BRINP2: variants seen among roughly 807,000 people sequenced by gnomAD.
BRINP2 encodes BMP/retinoic acid inducible neural specific 2.
Under a neutral mutation model 69.2 loss-of-function variants are expected in BRINP2, and 21 were observed. The observed-to-expected ratio is 0.30, with a 90% confidence interval of 0.22 to 0.44. BRINP2 has a LOEUF of 0.44. Among genes scored for constraint, BRINP2 ranks in the 20% least tolerant of loss-of-function variants. BRINP2 has a pLI of 1.00. For missense variants in BRINP2, 877 were observed against 986.0 expected, an observed-to-expected ratio of 0.89 and a Z score of 1.48; for synonymous variants, 380 against 394.1, an observed-to-expected ratio of 0.96 and a Z score of 0.42.
At position 177,170,992 on chromosome 1, in the gene BRINP2, C is replaced by G. The variant is rs1353555196; in HGVS notation, c.-817C>G. ...GGTGACACTGCTTAGGTACGGAGCG[C>G]GGAGTCGGAGCGGGGACGCGCCGGG... On this transcript the variant is annotated 5_prime_UTR_variant, in exon 1 of 8. Transcript: ENST00000361539. 1.3e-5 allele frequency among the ~76,000 whole-genome samples: 2 copies of G among 152,244 alleles called. No homozygotes were observed. The highest frequency in any genetic ancestry group is 2.9e-5 in the Non-Finnish European group (2 of 68,036).
At chr1:177,255,549 G>T (rs921755003) in intron 2 of BRINP2, among the ~76,000 whole-genome samples, 1 of 152,152 alleles carries the variant, frequency 6.6e-6, no homozygotes, top group Non-Finnish European at 1.5e-5. Context: ...ACTCATTCAC[G>T]GTAAGACAAC....
intron 4 of BRINP2, among the ~76,000 whole-genome samples, chr1:177,268,228 T>G (rs1651189146): frequency 6.6e-6 from 1 of 152,204 alleles, no homozygotes; most frequent in Non-Finnish European, 1.5e-5. Flanking sequence ...ATTACTTTGC[T>G]CTCACACATT....
chr1:177,240,913 G>A (rs1650177772), intron 2 of BRINP2, among the ~76,000 whole-genome samples: 1 of 152,090 alleles, frequency 6.6e-6, no homozygotes, highest in Non-Finnish European at 1.5e-5. Context: ...AGACAGTCAA[G>A]AAGGTGGTCA....
chr1:177,268,530 G>A (rs142713612), intron 4 of BRINP2, among the ~76,000 whole-genome samples: 2 of 152,168 alleles, frequency 1.3e-5, no homozygotes, highest in Admixed American at 6.6e-5. Flanking sequence ...CAACTTCTTT[G>A]CACTAACATG....
chr1:177,175,286 G>A (rs1571879450), intron 1 of BRINP2, among the ~76,000 whole-genome samples: 1 of 141,152 alleles, frequency 7.1e-6, no homozygotes. Flanking sequence ...ATGGAAAAGC[G>A]GGGTGGGGGG....
At chr1:177,262,468 C>T (rs1028334556) in intron 4 of BRINP2, among the ~76,000 whole-genome samples, 2 of 150,890 alleles carry the variant, frequency 1.3e-5, no homozygotes, top group Non-Finnish European at 2.9e-5. Flanking sequence ...GCTGAGATTG[C>T]GCCACTGCAC....
chr1:177,275,017 A>T, intron 5 of BRINP2: 1 of 425,868 alleles, frequency 2.3e-6, no homozygotes, highest in Non-Finnish European at 4.8e-6. Flanking sequence ...GAGCTGGCAG[A>T]CGTTTGAGGA....
chr1:177,271,911 G>C (rs1651340986), intron 4 of BRINP2, among the ~76,000 whole-genome samples: 1 of 152,112 alleles, frequency 6.6e-6, no homozygotes, highest in South Asian at 2.1e-4. Context: ...TCTCCCGACT[G>C]TTTTTGCTCA....
intron 1 of BRINP2, among the ~76,000 whole-genome samples, chr1:177,196,647 C>CA (rs1648757361): frequency 1.3e-5 from 2 of 151,780 alleles, no homozygotes; most frequent in Non-Finnish European, 2.9e-5. Flanking sequence ...AAAAGAAATG[C>CA]AAATTCTTAG....
intron 2 of BRINP2, among the ~76,000 whole-genome samples, chr1:177,240,499 C>T (rs1004286141): frequency 6.6e-6 from 1 of 152,030 alleles, no homozygotes; most frequent in South Asian, 2.1e-4. Context: ...AATGAACCAT[C>T]CCTAAATTAA....
At chr1:177,223,097 G>A (rs557633342) in intron 1 of BRINP2, among the ~76,000 whole-genome samples, 2 of 152,266 alleles carry the variant, frequency 1.3e-5, no homozygotes, top group East Asian at 3.9e-4. Context: ...TCCCTGGTCT[G>A]CACATTCGGC....
At chr1:177,186,161 T>C (rs1648418331) in intron 1 of BRINP2, among the ~76,000 whole-genome samples, 1 of 152,108 alleles carries the variant, frequency 6.6e-6, no homozygotes, top group Non-Finnish European at 1.5e-5. Context: ...TGGAATACAG[T>C]AGGCTGGCCC....
At chr1:177,240,975 ATTT>A (rs111255733) in intron 2 of BRINP2, among the ~76,000 whole-genome samples, 1 of 144,850 alleles carries the variant, frequency 6.9e-6, no homozygotes, top group Admixed American at 6.9e-5. Flanking sequence ...TGGAGCCAAT[ATTT>A]TTTTTTTTTT....
At chr1:177,276,522 G>A (rs1264708286) in intron 6 of BRINP2, 88 bp downstream of exon 6, 1 of 1,208,154 alleles carries the variant, frequency 8.3e-7, no homozygotes, top group Non-Finnish European at 1.2e-6. Flanking sequence ...TGAGAGTTGA[G>A]GATCCTCATG....
chr1:177,212,024 C>A (rs1649235267), intron 1 of BRINP2, among the ~76,000 whole-genome samples: 2 of 151,886 alleles, frequency 1.3e-5, no homozygotes, highest in African/African-American at 2.4e-5. Flanking sequence ...ATCAATCTAC[C>A]TACCTACCTA....
intron 1 of BRINP2, among the ~76,000 whole-genome samples, chr1:177,214,880 T>G (rs1649331755): frequency 6.6e-6 from 1 of 152,234 alleles, no homozygotes; most frequent in South Asian, 2.1e-4. Flanking sequence ...AACCTGTCCA[T>G]AACCTCAAAT....
At chr1:177,175,662 A>C (rs1039998388) in intron 1 of BRINP2, among the ~76,000 whole-genome samples, 1 of 152,126 alleles carries the variant, frequency 6.6e-6, no homozygotes, top group African/African-American at 2.4e-5. Context: ...TCACTCCATA[A>C]TTGCTTCCAG....
At chr1:177,258,512 G>T (rs1650842142) in intron 4 of BRINP2, among the ~76,000 whole-genome samples, 1 of 152,142 alleles carries the variant, frequency 6.6e-6, no homozygotes, top group Non-Finnish European at 1.5e-5. Context: ...ACAGGCAATA[G>T]CTCATTTTGT....
In BRINP2 at chr1:177,281,844, A is replaced by G. The variant is rs903566780; in HGVS notation, c.*316A>G. The G allele has an allele frequency of 2.1e-5, 5 of 237,410 alleles. No homozygotes were observed. The highest frequency in any genetic ancestry group is 5.3e-5 in the Admixed American group (1 of 19,000). 14.7% of individuals were successfully genotyped at this position (237,410 alleles called of 1,614,324 possible). ...AAAGGAGCCAAGGAAGAGATTAAGA[A>G]AAAGAACCAGCTGAACCATGAAACA... is the stretch of plus-strand genomic sequence containing the variant. On this transcript the variant is annotated 3_prime_UTR_variant, in exon 8 of 8. Transcript: ENST00000361539.
Sources: gnomAD v4.1 joint callset for allele counts (sites outside exome capture counted in the v4.1 genomes callset) on GRCh38, gnomAD v4.1.1 for gene constraint, MANE v1.5 for transcripts, NCBI Gene and HGNC (gene_info 2026-07-23, HGNC 2026-07-21) for gene names.